FYB1: variants seen among roughly 807,000 people sequenced by gnomAD.
FYB1 encodes FYN-binding protein 1.
FYB1 carries 41 observed loss-of-function variants against 94.1 expected under a neutral mutation model. The ratio of observed to expected loss-of-function variants is 0.44; its 90% CI spans 0.34 to 0.57. The LOEUF (loss-of-function observed/expected upper bound fraction) is 0.57, where lower values mean the gene tolerates loss of function less well. FYB1 is among the 20% of genes least tolerant of loss of function. The pLI, the probability that FYB1 is intolerant of heterozygous loss-of-function variation, is 0.02. For missense variants in FYB1, 1,050 were observed against 976.8 expected, an observed-to-expected ratio of 1.07 and a Z score of -1.00; for synonymous variants, 367 against 353.2, an observed-to-expected ratio of 1.04 and a Z score of -0.44.
intron 1 of FYB1, among the ~76,000 whole-genome samples, chr5:39,264,418 T>C (rs1752345360): frequency 6.6e-6 from 1 of 152,334 alleles, no homozygotes; most frequent in Non-Finnish European, 1.5e-5. Flanking sequence ...TTCTGTTGTT[T>C]ACGAGCTACC....
intron 2 of FYB1, among the ~76,000 whole-genome samples, chr5:39,193,911 G>A (rs1747589996): frequency 6.6e-6 from 1 of 152,196 alleles, no homozygotes; most frequent in Non-Finnish European, 1.5e-5. Flanking sequence ...GCAATTCTGA[G>A]GGGAAGGCAA....
At chr5:39,222,740 AT>A (rs1215749996), upstream of FYB1, among the ~76,000 whole-genome samples, 5 of 152,152 alleles carry the variant, frequency 3.3e-5, no homozygotes, top group African/African-American at 1.2e-4. Flanking sequence ...AATTTATCTT[AT>A]TTTGAGCTTT....
chr5:39,219,998 A>C (rs567916141), upstream of FYB1, among the ~76,000 whole-genome samples: 1 of 152,154 alleles, frequency 6.6e-6, no homozygotes, highest in East Asian at 1.9e-4. Context: ...GACCATATCA[A>C]CTGAAGAGTG....
At chr5:39,121,900 T>C (rs578088759) in intron 14 of FYB1, among the ~76,000 whole-genome samples, 2 of 152,176 alleles carry the variant, frequency 1.3e-5, no homozygotes, top group Admixed American at 1.3e-4. Flanking sequence ...AGTGCTGAGA[T>C]GTAAGCTAAG....
chr5:39,187,849 T>C (rs1457238876), intron 2 of FYB1, among the ~76,000 whole-genome samples: 4 of 147,456 alleles, frequency 2.7e-5, no homozygotes, highest in African/African-American at 1.0e-4. Flanking sequence ...TTTTTTTTTT[T>C]ATATTTAATG....
chr5:39,137,240 A>G (rs1476841775), intron 7 of FYB1, among the ~76,000 whole-genome samples: 1 of 152,196 alleles, frequency 6.6e-6, no homozygotes, highest in East Asian at 1.9e-4. Context: ...CCTATAATAC[A>G]TACCACAGGG....
At chr5:39,231,432 GA>G (rs1190282963) in intron 1 of FYB1, among the ~76,000 whole-genome samples, 1 of 151,916 alleles carries the variant, frequency 6.6e-6, no homozygotes, top group African/African-American at 2.4e-5. Flanking sequence ...AGTTGAATAA[GA>G]AAAAAATCTC....
upstream of FYB1, among the ~76,000 whole-genome samples, chr5:39,222,105 G>T (rs1414422751): frequency 6.6e-6 from 1 of 152,138 alleles, no homozygotes; most frequent in Non-Finnish European, 1.5e-5. Context: ...GGAATGTACT[G>T]CCCCCTCTCC....
chr5:39,127,554 C>G (rs1740808296), intron 11 of FYB1, among the ~76,000 whole-genome samples, 187 bp downstream of exon 11: 1 of 151,024 alleles, frequency 6.6e-6, no homozygotes, highest in Non-Finnish European at 1.5e-5. Context: ...AACAATCAAA[C>G]ACTTCGTTTG....
In FYB1 at chr5:39,209,621, ACC is replaced by A. The variant is rs995759404; in HGVS notation, c.-27-6636_-27-6635del. Reference sequence around the variant, plus strand: ...TGGGATTACAGGCGTGAGCCACCGCACCCGGCCTATTTAGATTCTTAATGAAT... The same window carrying A: ...TGGGATTACAGGCGTGAGCCACCGCACGGCCTATTTAGATTCTTAATGAAT... On this transcript the variant is annotated intron_variant, in intron 1 of 18. Transcript: ENST00000512982. Among the ~76,000 whole-genome samples, 112 of 152,202 alleles carry A rather than the reference ACC, an allele frequency of 7.4e-4. 1 individual carries two copies. The highest frequency in any genetic ancestry group is 3.4e-3 in the Middle Eastern group (1 of 294).
intron 1 of FYB1, among the ~76,000 whole-genome samples, chr5:39,259,318 G>A (rs1437784504): frequency 6.6e-6 from 1 of 152,218 alleles, no homozygotes; most frequent in Non-Finnish European, 1.5e-5. Context: ...CCTGGACTAA[G>A]TACAGCACAG....
chr5:39,231,157 A>AT (rs1750721664), intron 1 of FYB1, among the ~76,000 whole-genome samples: 1 of 118,458 alleles, frequency 8.4e-6, no homozygotes, highest in South Asian at 2.6e-4. Context: ...CAAAAAAAAA[A>AT]AAAACAAAAA....
chr5:39,121,674 A>G (rs1480487878), intron 14 of FYB1, among the ~76,000 whole-genome samples: 2 of 152,102 alleles, frequency 1.3e-5, no homozygotes, highest in East Asian at 3.9e-4. Flanking sequence ...AAAGCAACCT[A>G]CCATGTTATT....
chr5:39,120,693 A>G (rs992394571), intron 14 of FYB1, among the ~76,000 whole-genome samples: 1 of 152,150 alleles, frequency 6.6e-6, no homozygotes, highest in African/African-American at 2.4e-5. Context: ...GCATTTTAAA[A>G]ATTAGAATAT....
chr5:39,206,910 T>A (rs1168629907), intron 1 of FYB1, among the ~76,000 whole-genome samples: 1 of 152,216 alleles, frequency 6.6e-6, no homozygotes, highest in Non-Finnish European at 1.5e-5. Context: ...ATTTGGTAGA[T>A]ATACACCAGT....
intron 1 of FYB1, among the ~76,000 whole-genome samples, chr5:39,245,252 A>AT: frequency 6.6e-6 from 1 of 152,318 alleles, no homozygotes; most frequent in African/African-American, 2.4e-5. Context: ...GCAAAATGAG[A>AT]TATAGGGTCA....
chr5:39,240,304 A>G (rs1751148229), intron 1 of FYB1, among the ~76,000 whole-genome samples: 1 of 152,246 alleles, frequency 6.6e-6, no homozygotes, highest in African/African-American at 2.4e-5. Flanking sequence ...AACTGCAATA[A>G]AACCAAAAAT....
intron 2 of FYB1, among the ~76,000 whole-genome samples, chr5:39,159,284 G>A (rs921792429): frequency 3.3e-5 from 5 of 152,078 alleles, no homozygotes; most frequent in African/African-American, 1.2e-4. Context: ...TTTTCTCTGG[G>A]CCAGTATAGG....
At chr5:39,242,145 T>C (rs1197773364) in intron 1 of FYB1, among the ~76,000 whole-genome samples, 1 of 152,180 alleles carries the variant, frequency 6.6e-6, no homozygotes, top group Non-Finnish European at 1.5e-5. Flanking sequence ...AATTTTCTTT[T>C]TTTTATTATT....
Sources: allele counts gnomAD v4.1 joint callset (sites outside exome capture counted in the v4.1 genomes callset), GRCh38; gene constraint gnomAD v4.1.1; transcripts MANE v1.5; gene names NCBI Gene and HGNC (gene_info 2026-07-23, HGNC 2026-07-21).